GBE1: variants seen among roughly 807,000 people sequenced by gnomAD.
GBE1 encodes the protein 1,4-alpha-glucan branching enzyme 1.
A neutral mutation model predicts 88.8 loss-of-function variants in GBE1; 70 were observed. That is an observed-to-expected ratio of 0.79 (90% CI 0.65 to 0.96). The LOEUF is 0.96. Ranked by LOEUF, GBE1 falls within the 40% of genes least tolerant of loss-of-function variation. The pLI is 0.00. For missense variants in GBE1, 872 were observed against 871.0 expected, an observed-to-expected ratio of 1.00 and a Z score of -0.01; for synonymous variants, 284 against 300.1, an observed-to-expected ratio of 0.95 and a Z score of 0.56.
At chr3:81,671,643 A>T (rs1280693971) in intron 2 of GBE1, among the ~76,000 whole-genome samples, 1 of 152,158 alleles carries the variant, frequency 6.6e-6, no homozygotes, top group Non-Finnish European at 1.5e-5. Flanking sequence ...ATCTCCACCA[A>T]CTAGTATGTC....
intron 3 of GBE1, chr3:81,650,176 A>G (rs1576185327): frequency 6.7e-6 from 2 of 298,172 alleles, no homozygotes; most frequent in South Asian, 7.6e-5. Flanking sequence ...ACTGCAAACC[A>G]GCCATAAGAG....
At chr3:81,612,565 T>A (rs948791425) in intron 7 of GBE1, 1 of 741,702 alleles carries the variant, frequency 1.3e-6, no homozygotes, top group Non-Finnish European at 2.4e-6. Context: ...TGAGAAATGT[T>A]GTTACCCCCA....
At chr3:81,726,285 T>C (rs1457967621) in intron 1 of GBE1, among the ~76,000 whole-genome samples, 1 of 152,080 alleles carries the variant, frequency 6.6e-6, no homozygotes, top group Non-Finnish European at 1.5e-5. Context: ...TAGAGGAGAA[T>C]GAAGATGAGT....
At chr3:81,506,690 T>A (rs943816345) in intron 14 of GBE1, among the ~76,000 whole-genome samples, 1 of 152,120 alleles carries the variant, frequency 6.6e-6, no homozygotes, top group Non-Finnish European at 1.5e-5. Flanking sequence ...AATGACAGAC[T>A]AGATAAAGAA....
At chr3:81,500,835 T>G (rs1285876892) in intron 14 of GBE1, among the ~76,000 whole-genome samples, 1 of 152,210 alleles carries the variant, frequency 6.6e-6, no homozygotes, top group Non-Finnish European at 1.5e-5. Context: ...AAATGCAGAT[T>G]ATATTGTTCC....
chr3:81,605,068 T>A (rs181613475), intron 7 of GBE1, among the ~76,000 whole-genome samples: 2 of 152,194 alleles, frequency 1.3e-5, no homozygotes, highest in South Asian at 2.1e-4. Flanking sequence ...ATGGCCTACA[T>A]TGGAATAAAA....
rs114100982 is a variant in GBE1 at position 81,607,065 on chromosome 3, T to C, written c.993-13042A>G. 9.5e-3 allele frequency among the ~76,000 whole-genome samples: 1,454 copies of C among 152,318 alleles called. 14 individuals carry two copies. The highest frequency in any genetic ancestry group is 0.015 in the Non-Finnish European group (1,028 of 68,024). On this transcript the variant is annotated intron_variant, in intron 7 of 15. Coordinates refer to ENST00000429644, the MANE Select transcript of GBE1 (RefSeq NM_000158.4). ...GCAGGCTACACCATATTGCCATTTA[T>C]GGTTTTATTCACTTCATTTTGGTCA... is the stretch of plus-strand genomic sequence containing the variant.
chr3:81,606,114 A>G (rs1437603175), intron 7 of GBE1, among the ~76,000 whole-genome samples: 1 of 152,236 alleles, frequency 6.6e-6, no homozygotes, highest in Non-Finnish European at 1.5e-5. Flanking sequence ...ATAAAAAACA[A>G]AACAAAATAC....
intron 14 of GBE1, among the ~76,000 whole-genome samples, chr3:81,510,055 T>G (rs1291997709): frequency 6.6e-6 from 1 of 152,076 alleles, no homozygotes. Context: ...TTTATTCAAG[T>G]CAGCACAAAC....
At chr3:81,559,164 T>C (rs1198214497) in intron 12 of GBE1, among the ~76,000 whole-genome samples, 2 of 152,014 alleles carry the variant, frequency 1.3e-5, no homozygotes, top group African/African-American at 4.8e-5. Flanking sequence ...AGGAACAATA[T>C]GGGGACAAAG....
chr3:81,705,661 C>T, intron 1 of GBE1, 48 bp from the exon 2 acceptor site: 9 of 1,291,306 alleles, frequency 7.0e-6, no homozygotes, highest in Non-Finnish European at 9.4e-6. Flanking sequence ...AAATAGTCTT[C>T]TAGAAAAGCT....
intron 12 of GBE1, among the ~76,000 whole-genome samples, chr3:81,550,428 C>T (rs952165071): frequency 5.3e-5 from 8 of 151,342 alleles, no homozygotes; most frequent in African/African-American, 1.9e-4. Flanking sequence ...GGATCTTCAT[C>T]CCTCTATAAC....
intron 14 of GBE1, among the ~76,000 whole-genome samples, chr3:81,513,811 A>G (rs1316103540): frequency 6.6e-6 from 1 of 151,682 alleles, no homozygotes; most frequent in East Asian, 1.9e-4. Context: ...TAATTCTGAC[A>G]ACAATTCTAT....
At chr3:81,737,727 A>G (rs1370558073) in intron 1 of GBE1, among the ~76,000 whole-genome samples, 1 of 117,878 alleles carries the variant, frequency 8.5e-6, no homozygotes, top group Non-Finnish European at 1.7e-5. Context: ...CTCGTAGATT[A>G]AAAATGTGTG....
intron 7 of GBE1, among the ~76,000 whole-genome samples, chr3:81,609,243 T>C (rs1191319944): frequency 6.6e-6 from 1 of 152,146 alleles, no homozygotes; most frequent in African/African-American, 2.4e-5. Context: ...AAACCAGTAA[T>C]ATGCCTACGT....
chr3:81,731,074 A>G (rs1272144203), intron 1 of GBE1, among the ~76,000 whole-genome samples: 1 of 152,138 alleles, frequency 6.6e-6, no homozygotes, highest in Non-Finnish European at 1.5e-5. Flanking sequence ...GCAAAGTAGA[A>G]AGGCTGTACC....
chr3:81,491,506 T>C (rs1289534454), intron 15 of GBE1, among the ~76,000 whole-genome samples: 1 of 152,216 alleles, frequency 6.6e-6, no homozygotes, highest in Non-Finnish European at 1.5e-5. Context: ...TATTCTCTAA[T>C]ATATCTGAAT....
intron 7 of GBE1, among the ~76,000 whole-genome samples, chr3:81,629,677 G>T (rs533451389): frequency 6.6e-6 from 1 of 152,110 alleles, no homozygotes; most frequent in Non-Finnish European, 1.5e-5. Flanking sequence ...GGCTAGGGAG[G>T]CCACAAAACT....
intron 6 of GBE1, among the ~76,000 whole-genome samples, chr3:81,645,844 A>T (rs568981854): frequency 7.2e-5 from 11 of 152,316 alleles, no homozygotes; most frequent in African/African-American, 2.6e-4. Context: ...TATATGCCAT[A>T]CATCATAAAC....
Sources: gnomAD v4.1 joint callset for allele counts (sites outside exome capture counted in the v4.1 genomes callset) on GRCh38, gnomAD v4.1.1 for gene constraint, MANE v1.5 for transcripts, NCBI Gene and HGNC (gene_info 2026-07-23, HGNC 2026-07-21) for gene names.